Variants in ZC3H12B observed in about 807,000 individuals in gnomAD.
ZC3H12B encodes the protein zinc finger CCCH-type containing 12B.
A neutral mutation model predicts 43.9 loss-of-function variants in ZC3H12B; 7 were observed. The ratio of observed to expected loss-of-function variants is 0.16; its 90% confidence interval spans 0.09 to 0.30. The LOEUF (loss-of-function observed/expected upper bound fraction) is 0.30. Among genes scored for constraint, ZC3H12B ranks in the 10% least tolerant of loss-of-function variants. ZC3H12B has a pLI of 1.00. For synonymous variants in ZC3H12B, 222 were observed against 241.7 expected, an observed-to-expected ratio of 0.92 and a Z score of 0.76; for missense variants, 475 against 670.2, an observed-to-expected ratio of 0.71 and a Z score of 3.22.
intron 3 of ZC3H12B, among the ~76,000 whole-genome samples, chrX:65,435,326 T>G (rs886158306): frequency 1.8e-5 from 2 of 112,001 alleles, no homozygotes; most frequent in African/African-American, 6.5e-5. Context: ...ATTATATCTC[T>G]TAGTTTTCCA....
At chrX:65,058,192 T>A in the ZC3H12B span, among the ~76,000 whole-genome samples, 1 of 111,540 alleles carries the variant, frequency 9.0e-6, no homozygotes, top group Non-Finnish European at 1.9e-5. Context: ...TCTGCTCTGT[T>A]TTTTTCCCGT....
At chrX:65,428,819 G>A (rs2067115314) in intron 3 of ZC3H12B, among the ~76,000 whole-genome samples, 2 of 112,438 alleles carry the variant, frequency 1.8e-5, no homozygotes, top group African/African-American at 3.2e-5. Flanking sequence ...TGGAGGAGAA[G>A]GGGCACTCTG....
the ZC3H12B span, among the ~76,000 whole-genome samples, chrX:65,265,513 C>T: frequency 2.3e-3 from 253 of 111,738 alleles, 2 homozygotes; most frequent in African/African-American, 7.7e-3. Flanking sequence ...ATTATGGCAA[C>T]CATTAGAGGT....
At chrX:65,176,216 A>C in the ZC3H12B span, among the ~76,000 whole-genome samples, 1 of 111,434 alleles carries the variant, frequency 9.0e-6, no homozygotes, top group East Asian at 2.8e-4. Flanking sequence ...AGGGGATCCC[A>C]CCATTACTGA....
At chrX:65,335,314 G>C in the ZC3H12B span, among the ~76,000 whole-genome samples, 1 of 111,101 alleles carries the variant, frequency 9.0e-6, no homozygotes, top group Admixed American at 9.6e-5. Flanking sequence ...TTTTAATTAA[G>C]CTGACTTTTA....
the ZC3H12B span, among the ~76,000 whole-genome samples, chrX:65,124,441 G>A: frequency 9.0e-6 from 1 of 110,613 alleles, no homozygotes; most frequent in Non-Finnish European, 1.9e-5. Flanking sequence ...ATATTGGTCT[G>A]TAGTTTTCTT....
the ZC3H12B span, among the ~76,000 whole-genome samples, chrX:65,329,357 G>A: frequency 9.0e-6 from 1 of 110,987 alleles, no homozygotes; most frequent in Non-Finnish European, 1.9e-5. Flanking sequence ...CTTTTGAGAA[G>A]TGTCTGTTCA....
At chrX:65,212,943 C>T in the ZC3H12B span, among the ~76,000 whole-genome samples, 1 of 106,790 alleles carries the variant, frequency 9.4e-6, no homozygotes, top group East Asian at 2.9e-4. Flanking sequence ...ATTCTTAGTT[C>T]ATGGCACTTA....
the ZC3H12B span, among the ~76,000 whole-genome samples, chrX:65,348,237 AT>A: frequency 1.8e-5 from 2 of 112,439 alleles, no homozygotes; most frequent in Admixed American, 1.9e-4. Context: ...TAATTAAAAA[AT>A]AATCAAAAAT....
the ZC3H12B span, among the ~76,000 whole-genome samples, chrX:65,150,026 C>A: frequency 9.1e-6 from 1 of 109,963 alleles, no homozygotes; most frequent in Non-Finnish European, 1.9e-5. Context: ...TATCCATGAG[C>A]ATATTCTTTC....
At chrX:65,104,851 C>A in the ZC3H12B span, among the ~76,000 whole-genome samples, 4 of 111,297 alleles carry the variant, frequency 3.6e-5, no homozygotes, top group Non-Finnish European at 7.5e-5. Flanking sequence ...TGTGGTGAGT[C>A]CTCAGGGATC....
the ZC3H12B span, among the ~76,000 whole-genome samples, chrX:65,182,496 C>T: frequency 1.4e-3 from 151 of 110,911 alleles, 1 homozygote; most frequent in Middle Eastern, 4.7e-3. Flanking sequence ...TCTGTCAGTA[C>T]CATTCTGTAC....
the ZC3H12B span, among the ~76,000 whole-genome samples, chrX:65,226,213 C>T: frequency 1.8e-5 from 2 of 111,509 alleles, no homozygotes; most frequent in Admixed American, 9.5e-5. Context: ...AGAGTGGGGG[C>T]CAATATTCAA....
chrX:65,036,145 A>G, the ZC3H12B span, among the ~76,000 whole-genome samples: 10 of 111,971 alleles, frequency 8.9e-5, no homozygotes, highest in Non-Finnish European at 1.9e-4. Context: ...ATGAGGTTCT[A>G]AAGTTGTGAG....
chrX:65,151,276 TA>T, the ZC3H12B span, among the ~76,000 whole-genome samples: 30 of 111,952 alleles, frequency 2.7e-4, 1 homozygote, highest in Admixed American at 2.9e-3. Context: ...TAGTGCAATT[TA>T]AAAAATGATA....
At chrX:65,480,261 G>T (rs1034963357) in intron 3 of ZC3H12B, among the ~76,000 whole-genome samples, 17 of 112,172 alleles carry the variant, frequency 1.5e-4, no homozygotes, top group Non-Finnish European at 3.0e-4. Context: ...ACATTTGGAG[G>T]TTTGTTACAG....
intron 2 of ZC3H12B, among the ~76,000 whole-genome samples, chrX:65,383,214 T>G (rs1248665233): frequency 8.9e-6 from 1 of 112,048 alleles, no homozygotes; most frequent in East Asian, 2.8e-4. Context: ...ACTACAAGGC[T>G]ACAGTAACCA....
chrX:65,174,254 C>T, the ZC3H12B span, among the ~76,000 whole-genome samples: 1 of 112,227 alleles, frequency 8.9e-6, no homozygotes, highest in East Asian at 2.8e-4. Flanking sequence ...TGCAGTCTGT[C>T]CCTTAGCAGA....
chrX:65,265,216 T>C, the ZC3H12B span, among the ~76,000 whole-genome samples: 1 of 112,195 alleles, frequency 8.9e-6, no homozygotes, highest in Non-Finnish European at 1.9e-5. Flanking sequence ...AATTAGCTTG[T>C]ACAAGAATAA....
Sources: allele counts gnomAD v4.1 joint callset (sites outside exome capture counted in the v4.1 genomes callset), GRCh38; gene constraint gnomAD v4.1.1; transcripts MANE v1.5; gene names NCBI Gene and HGNC (gene_info 2026-07-23, HGNC 2026-07-21).